CLASP1: variants seen among roughly 807,000 people sequenced by gnomAD.
The protein encoded by CLASP1 is cytoplasmic linker associated protein 1, also known as CLIP-associating protein 1.
A neutral mutation model predicts 192.3 loss-of-function variants in CLASP1; 38 were observed. That is an observed-to-expected ratio of 0.20 (90% CI 0.15 to 0.26). CLASP1 has a LOEUF of 0.26. Among genes scored for constraint, CLASP1 ranks in the 10% least tolerant of loss-of-function variants. The probability of loss-of-function intolerance (pLI) is 1.00; values close to 1 mark genes in which losing one functional copy is unlikely to be tolerated. For synonymous variants in CLASP1, 691 were observed against 712.8 expected, an observed-to-expected ratio of 0.97 and a Z score of 0.49; for missense variants, 1,433 against 1,932.5, an observed-to-expected ratio of 0.74 and a Z score of 4.85.
intron 14 of CLASP1, among the ~76,000 whole-genome samples, chr2:121,455,757 G>A (rs72969319): frequency 1.3e-5 from 2 of 152,162 alleles, no homozygotes; most frequent in Non-Finnish European, 2.9e-5. Flanking sequence ...AGCTACTTGG[G>A]AGACTGAGGC....
intron 6 of CLASP1, among the ~76,000 whole-genome samples, chr2:121,516,395 C>T (rs1430394117): frequency 1.3e-5 from 2 of 152,216 alleles, no homozygotes; most frequent in Non-Finnish European, 2.9e-5. Flanking sequence ...CTTGGAACAG[C>T]AGGATTTCAC....
chr2:121,489,245 A>G (rs777009240), intron 8 of CLASP1, among the ~76,000 whole-genome samples: 2 of 152,248 alleles, frequency 1.3e-5, no homozygotes, highest in Non-Finnish European at 2.9e-5. Flanking sequence ...TATACCTTAA[A>G]TTCTCAATTA....
intron 9 of CLASP1, among the ~76,000 whole-genome samples, chr2:121,466,611 A>G (rs922779447): frequency 2.0e-5 from 3 of 152,214 alleles, no homozygotes; most frequent in African/African-American, 7.2e-5. Context: ...TTTCTGAGAT[A>G]AATTTCAGAG....
intron 37 of CLASP1, among the ~76,000 whole-genome samples, chr2:121,360,395 T>G (rs955130937): frequency 2.6e-5 from 4 of 152,116 alleles, no homozygotes; most frequent in African/African-American, 9.7e-5. Flanking sequence ...TCCTTTTCAA[T>G]AAATGTTTGG....
intron 8 of CLASP1, among the ~76,000 whole-genome samples, chr2:121,499,920 T>C (rs995060288): frequency 6.6e-6 from 1 of 152,108 alleles, no homozygotes; most frequent in African/African-American, 2.4e-5. Context: ...GCACCTAGGA[T>C]AGGAACCAGA....
At chr2:121,573,161 T>G (rs962446592) in intron 2 of CLASP1, among the ~76,000 whole-genome samples, 1 of 152,166 alleles carries the variant, frequency 6.6e-6, no homozygotes, top group African/African-American at 2.4e-5. Context: ...GGTTTTGCCA[T>G]GTTGCCCAGG....
At chr2:121,578,822 T>C (rs2060826320) in intron 2 of CLASP1, among the ~76,000 whole-genome samples, 1 of 151,770 alleles carries the variant, frequency 6.6e-6, no homozygotes, top group Non-Finnish European at 1.5e-5. Flanking sequence ...CATTTGGAAG[T>C]GACAGTAAGA....
chr2:121,530,632 C>A, intron 2 of CLASP1: 1 of 532,324 alleles, frequency 1.9e-6, no homozygotes, highest in South Asian at 2.7e-5. Flanking sequence ...CCGCCAGCCC[C>A]GCCCCGGCGA....
chr2:121,607,264 A>G (rs2064556809), intron 1 of CLASP1, among the ~76,000 whole-genome samples: 1 of 152,076 alleles, frequency 6.6e-6, no homozygotes, highest in Non-Finnish European at 1.5e-5. Flanking sequence ...GCTTGAATCC[A>G]GGAGACGGAG....
At chr2:121,511,576 G>A (rs1242308428) in intron 7 of CLASP1, among the ~76,000 whole-genome samples, 2 of 144,184 alleles carry the variant, frequency 1.4e-5, no homozygotes, top group African/African-American at 2.6e-5. Flanking sequence ...CAACAAGAGC[G>A]AAACTCCATC....
intron 21 of CLASP1, 41 bp from the exon 22 acceptor site, chr2:121,425,347 T>C: frequency 6.3e-7 from 1 of 1,579,528 alleles, no homozygotes; most frequent in Non-Finnish European, 8.6e-7. Flanking sequence ...TAGATGTAAA[T>C]GTAGGAATGA....
intron 2 of CLASP1, among the ~76,000 whole-genome samples, chr2:121,535,925 G>C (rs1205869754): frequency 6.6e-6 from 1 of 151,826 alleles, no homozygotes; most frequent in East Asian, 1.9e-4. Flanking sequence ...GCCTCCCAGA[G>C]TGCTGGGATT....
intron 19 of CLASP1, among the ~76,000 whole-genome samples, chr2:121,441,134 G>T (rs1004392997): frequency 6.6e-6 from 1 of 152,132 alleles, no homozygotes; most frequent in Non-Finnish European, 1.5e-5. Context: ...CTATCTTCTT[G>T]TTAGGCAAAT....
chr2:121,376,452 T>G (rs1183974526), intron 34 of CLASP1, among the ~76,000 whole-genome samples: 1 of 150,638 alleles, frequency 6.6e-6, no homozygotes, highest in African/African-American at 2.5e-5. Flanking sequence ...TTCTCACTCA[T>G]TTATGGGAAC....
intron 2 of CLASP1, among the ~76,000 whole-genome samples, chr2:121,566,719 T>TA (rs1248008696): frequency 6.6e-6 from 1 of 152,226 alleles, no homozygotes; most frequent in Non-Finnish European, 1.5e-5. Flanking sequence ...CTCAAACTAG[T>TA]ACCCAACTAG....
intron 30 of CLASP1, 79 bp from the exon 32 acceptor site, chr2:121,387,985 A>AT: frequency 8.8e-7 from 1 of 1,140,572 alleles, no homozygotes; most frequent in South Asian, 1.7e-5. Flanking sequence ...TTAAAAAAAT[A>AT]TTTTATAAGT....
chr2:121,532,140 A>C (rs2094910606), intron 2 of CLASP1, among the ~76,000 whole-genome samples: 1 of 152,208 alleles, frequency 6.6e-6, no homozygotes. Context: ...TTTGAAATCT[A>C]CTGCTTCAAA....
chr2:121,369,548 A>T (rs1390210290), intron 34 of CLASP1, among the ~76,000 whole-genome samples: 1 of 152,248 alleles, frequency 6.6e-6, no homozygotes, highest in African/African-American at 2.4e-5. Flanking sequence ...TTTAAAAAAT[A>T]AAGCTCAACT....
At chr2:121,420,034 T>C (rs1284319181) in intron 22 of CLASP1, among the ~76,000 whole-genome samples, 1 of 151,856 alleles carries the variant, frequency 6.6e-6, no homozygotes, top group African/African-American at 2.4e-5. Flanking sequence ...AAGGGAAAAC[T>C]AAAGCCAACT....
Sources: allele counts gnomAD v4.1 joint callset (sites outside exome capture counted in the v4.1 genomes callset), GRCh38; gene constraint gnomAD v4.1.1; transcripts MANE v1.5; gene names NCBI Gene and HGNC (gene_info 2026-07-23, HGNC 2026-07-21).